The following PDE8A variants were observed in gnomAD, a reference collection of about 807,000 sequenced individuals.
The protein encoded by PDE8A is phosphodiesterase 8A.
PDE8A carries 59 observed loss-of-function variants against 105.0 expected under a neutral mutation model. The observed-to-expected ratio is 0.56, with a 90% CI of 0.46 to 0.70. The LOEUF (loss-of-function observed/expected upper bound fraction) is 0.70, where lower values mean the gene tolerates loss of function less well. PDE8A is among the 30% of genes least tolerant of loss of function. The pLI is 0.00. For missense variants in PDE8A, 1,014 were observed against 1,045.9 expected, an observed-to-expected ratio of 0.97 and a Z score of 0.42; for synonymous variants, 355 against 371.9, an observed-to-expected ratio of 0.95 and a Z score of 0.52.
rs182977325 is a variant in PDE8A, at chr15:85,088,070, G to A, written c.636-1268G>A. Among the ~76,000 whole-genome samples, 492 of 152,310 alleles carry A rather than the reference G, an allele frequency of 3.2e-3. 6 individuals are homozygous for A. Among genetic ancestry groups the A allele is most frequent in the Admixed American group, 0.03 (454 of 15,302 alleles). ...TTTATTATCCCCAGCCCAGGCTGTA[G>A]TGCAGTGATGCAATCTCGGCTCACT... is the stretch of plus-strand genomic sequence containing the variant. On this transcript the variant is annotated intron_variant, in intron 6 of 21. Transcript: ENST00000394553.
intron 1 of PDE8A, among the ~76,000 whole-genome samples, chr15:85,061,746 A>G (rs751750797): frequency 6.6e-6 from 1 of 151,928 alleles, no homozygotes; most frequent in African/African-American, 2.4e-5. Context: ...AGCTTGTTTC[A>G]TGGTGTCCTT....
intron 1 of PDE8A, among the ~76,000 whole-genome samples, chr15:85,039,850 A>G (rs1009313414): frequency 5.9e-5 from 9 of 152,218 alleles, no homozygotes; most frequent in African/African-American, 2.2e-4. Flanking sequence ...AGAGAGACAA[A>G]TACCCTATGA....
intron 14 of PDE8A, chr15:85,115,219 G>A (rs1365947572): frequency 1.2e-5 from 6 of 502,360 alleles, no homozygotes; most frequent in African/African-American, 6.1e-5. Flanking sequence ...TTCCAACAGG[G>A]CCAGGACCAT....
At chr15:85,045,242 A>C (rs574341608) in intron 1 of PDE8A, among the ~76,000 whole-genome samples, 1 of 152,198 alleles carries the variant, frequency 6.6e-6, no homozygotes, top group Non-Finnish European at 1.5e-5. Context: ...CTTGCTGTCT[A>C]TTGAATCCTC....
intron 7 of PDE8A, among the ~76,000 whole-genome samples, chr15:85,089,846 A>G (rs1180672997): frequency 6.6e-6 from 1 of 152,254 alleles, no homozygotes; most frequent in Non-Finnish European, 1.5e-5. Context: ...AGAAACAACT[A>G]AAAGTTTCAG....
At position 85,051,622 on chromosome 15, in the gene PDE8A, C is replaced by T. The variant is rs192873569; in HGVS notation, c.187-12748C>T. 6.3e-4 allele frequency among the ~76,000 whole-genome samples: 96 copies of T among 152,272 alleles called. No homozygotes were observed. The East Asian group carries it at 0.018, about 28-fold the overall frequency. ...AGCTATTCTTCCTGATGCTGTCCCT[C>T]CCTCCGCCTGCCACAGGCCTCAGTG... On this transcript the variant is annotated intron_variant, in intron 1 of 21. Coordinates refer to ENST00000394553, the MANE Select transcript of PDE8A (RefSeq NM_002605.3).
At position 85,109,039 on chromosome 15, in the gene PDE8A, AT is replaced by A; in HGVS notation, c.1037-11del. ...AATATCTTTGAAGAGGTGATTTATC[AT>A]TTGTTTCTACAGATAATCAGACAGG... is the stretch of plus-strand genomic sequence containing the variant. On this transcript the variant is annotated splice_polypyrimidine_tract_variant and intron_variant, in intron 11 of 21. Transcript: ENST00000394553. 1.1e-5 allele frequency: 17 copies of A among 1,571,470 alleles called. No individual in the cohort carries two copies. The highest frequency in any genetic ancestry group is 4.1e-5 in the African/African-American group (3 of 73,950).
At chr15:85,130,754 T>C (rs1341008248) in intron 20 of PDE8A, among the ~76,000 whole-genome samples, 5 of 152,250 alleles carry the variant, frequency 3.3e-5, no homozygotes, top group African/African-American at 7.2e-5. Flanking sequence ...TATATGCTTA[T>C]AATCATTATA....
intron 1 of PDE8A, among the ~76,000 whole-genome samples, chr15:84,983,322 TC>T (rs1469074930): frequency 1.3e-5 from 2 of 152,252 alleles, no homozygotes; most frequent in Admixed American, 1.3e-4. Flanking sequence ...GTCATCCCTC[TC>T]ATCACGACCA....
intron 1 of PDE8A, among the ~76,000 whole-genome samples, chr15:85,039,087 C>T (rs1264543762): frequency 6.7e-6 from 1 of 150,304 alleles, no homozygotes; most frequent in Non-Finnish European, 1.5e-5. Context: ...TGCCATTGCA[C>T]TCCAGCCTTA....
intron 1 of PDE8A, among the ~76,000 whole-genome samples, chr15:85,048,489 A>G (rs1398338420): frequency 3.3e-5 from 5 of 152,184 alleles, no homozygotes; most frequent in Non-Finnish European, 5.9e-5. Context: ...GCATCCCTCC[A>G]GTTTATGCTT....
intron 11 of PDE8A, among the ~76,000 whole-genome samples, chr15:85,106,875 CTTTGA>C (rs1229773736): frequency 1.3e-5 from 2 of 152,138 alleles, no homozygotes; most frequent in Non-Finnish European, 2.9e-5. Flanking sequence ...TTTAACAGAA[CTTTGA>C]TTTGTGCACA....
intron 5 of PDE8A, among the ~76,000 whole-genome samples, chr15:85,077,210 G>A (rs898530850): frequency 1.3e-5 from 2 of 152,122 alleles, no homozygotes; most frequent in African/African-American, 4.8e-5. Flanking sequence ...ATGCTGACAT[G>A]TATACATGCA....
At chr15:85,065,849 A>G (rs188547523) in intron 2 of PDE8A, among the ~76,000 whole-genome samples, 500 of 152,342 alleles carry the variant, frequency 3.3e-3, no homozygotes, top group Middle Eastern at 0.014. Flanking sequence ...GGAAGACGCT[A>G]TGGATACAGG....
intron 16 of PDE8A, 102 bp from the exon 17 acceptor site, chr15:85,117,539 C>T: frequency 2.1e-6 from 2 of 952,388 alleles, no homozygotes; most frequent in South Asian, 2.7e-5. Context: ...CACTTTGCTG[C>T]CCTGCACTCT....
chr15:85,091,100 G>A lies in PDE8A; in HGVS notation c.771G>A (p.Gly257=). ...GCTATCAGTCAGGTGAATTAATAGG[G>A]AAGGAGTTAGGAGAAGTGCCTATAA... The part of the protein sequence containing the change: ...TMGYQSGELI[G]KELGEVPINE... The change falls in exon 8 of 22, where the codon GGG becomes GGA. Residue 257 remains glycine (G), a synonymous_variant. Coordinates refer to ENST00000394553, the MANE Select transcript of PDE8A (RefSeq NM_002605.3). 1 of 1,612,702 alleles carries A rather than the reference G, an allele frequency of 6.2e-7. No homozygotes were observed. Among genetic ancestry groups the A allele is most frequent in the Non-Finnish European group, 8.5e-7 (1 of 1,178,840 alleles).
chr15:85,075,505 T>C (rs951521832), intron 3 of PDE8A, among the ~76,000 whole-genome samples: 6 of 152,224 alleles, frequency 3.9e-5, no homozygotes, highest in Admixed American at 3.3e-4. Context: ...AACTTGCATT[T>C]TCCTTTGGAA....
At chr15:84,990,704 A>T (rs1370757351) in intron 1 of PDE8A, among the ~76,000 whole-genome samples, 2 of 152,232 alleles carry the variant, frequency 1.3e-5, no homozygotes, top group Non-Finnish European at 2.9e-5. Context: ...AGTACACATT[A>T]TTTTGTGGAC....
rs184213798 is a variant in PDE8A at position 85,069,255 on chromosome 15, G to C, written c.434+2051G>C. On this transcript the variant is annotated intron_variant, in intron 3 of 21. Coordinates refer to ENST00000394553, the MANE Select transcript of PDE8A (RefSeq NM_002605.3). Reference sequence around the variant, plus strand: ...TGGGAACTGGATTGCTTTAATATATGGTTTTAGAGAAGCAGAGAATGTCAG... The same window carrying C: ...TGGGAACTGGATTGCTTTAATATATCGTTTTAGAGAAGCAGAGAATGTCAG... Among the ~76,000 whole-genome samples, 8 of 152,274 alleles carry C rather than the reference G, an allele frequency of 5.3e-5. No homozygotes were observed. The Middle Eastern group carries it at 0.017, about 324-fold the overall frequency.
Sources: gnomAD v4.1 joint callset for allele counts (sites outside exome capture counted in the v4.1 genomes callset) on GRCh38, gnomAD v4.1.1 for gene constraint, MANE v1.5 for transcripts, NCBI Gene and HGNC (gene_info 2026-07-23, HGNC 2026-07-21) for gene names.